Variants in PTPN12 observed in about 807,000 individuals in gnomAD.
PTPN12 encodes the protein tyrosine-protein phosphatase non-receptor type 12.
A neutral mutation model predicts 97.6 loss-of-function variants in PTPN12; 29 were observed. That is an observed-to-expected ratio of 0.30 (90% confidence interval 0.22 to 0.41). The LOEUF is 0.41. PTPN12 is among the 10% of genes least tolerant of loss of function. The pLI is 1.00. For missense variants in PTPN12, 819 were observed against 926.0 expected, an observed-to-expected ratio of 0.88 and a Z score of 1.50; for synonymous variants, 327 against 300.4, an observed-to-expected ratio of 1.09 and a Z score of -0.91.
chr7:77,548,031 T>A (rs1414214754), intron 1 of PTPN12, among the ~76,000 whole-genome samples: 1 of 152,208 alleles, frequency 6.6e-6, no homozygotes, highest in Non-Finnish European at 1.5e-5. Context: ...TTGTTTGATC[T>A]TACAGTAGGA....
rs1348408634 is a variant in PTPN12, at chr7:77,617,807, A to G, written c.940-673A>G. 2.0e-5 allele frequency among the ~76,000 whole-genome samples: 3 copies of G among 149,488 alleles called. No individual in the cohort carries two copies. The Admixed American group carries it at 2.0e-4, about 10-fold the overall frequency. ...ACAGTCCTAAACCTAAGGTTCTTAT[A>G]CCTGTATTGACTCTGAAACATCAAT... On this transcript the variant is annotated intron_variant, in intron 11 of 17. Transcript: ENST00000248594.
At chr7:77,577,885 C>G (rs1001070212) in intron 2 of PTPN12, among the ~76,000 whole-genome samples, 7 of 151,926 alleles carry the variant, frequency 4.6e-5, no homozygotes, top group African/African-American at 1.7e-4. Flanking sequence ...TTTGCTTTCC[C>G]CAGCTGTTGA....
rs1787860462 is a variant in PTPN12 at position 77,591,307 on chromosome 7, C to G, written c.421-878C>G. Among the ~76,000 whole-genome samples, 7 of 152,298 alleles carry G rather than the reference C, an allele frequency of 4.6e-5. No homozygotes were observed. In the South Asian group the frequency reaches 1.5e-3, roughly 32 times the overall value. On this transcript the variant is annotated intron_variant, in intron 5 of 17. Transcript: ENST00000248594. ...CCACTGCTTAAAAGGTTTATTTAAGCTAGATGGTCACTTAGAGACTTTGAT... is the reference window on the plus strand; with the variant it reads ...CCACTGCTTAAAAGGTTTATTTAAGGTAGATGGTCACTTAGAGACTTTGAT...
chr7:77,627,028 T>G lies in PTPN12; in HGVS notation c.1349T>G (p.Phe450Cys), dbSNP rs763365559. ...CCTCTCCAAGAGGGACCAAAAAGTT[T>G]TGATGGGAACACACTTTTGAATAGG... ...KVPLQEGPKS[F>C]DGNTLLNRGH... Residue 450 changes from phenylalanine to cysteine, a missense_variant, in exon 13 of 18, where the codon TTT becomes TGT. Phe to Cys is a radical substitution (Grantham distance 205, BLOSUM62 -2). Around this residue, in one of 5 missense-constraint regions of PTPN12, gnomAD observed 607 missense variants for 577.3 expected, o/e 1.05. Transcript: ENST00000248594. 6.2e-7 allele frequency: 1 copy of G among 1,608,572 alleles called. No individual in the cohort carries two copies. The highest frequency in any genetic ancestry group is 1.1e-5 in the South Asian group (1 of 90,568).
intron 8 of PTPN12, chr7:77,604,822 G>A: frequency 2.6e-6 from 1 of 384,940 alleles, no homozygotes; most frequent in South Asian, 2.0e-5. Context: ...TATCCACCTG[G>A]ATTTTTTATG....
intron 5 of PTPN12, among the ~76,000 whole-genome samples, chr7:77,591,111 G>T (rs1787854342): frequency 6.6e-6 from 1 of 152,140 alleles, no homozygotes; most frequent in Non-Finnish European, 1.5e-5. Flanking sequence ...AGTTACCTGT[G>T]TTTTTAAGCC....
intron 1 of PTPN12, among the ~76,000 whole-genome samples, chr7:77,543,705 T>C (rs1807089660): frequency 6.6e-6 from 1 of 152,140 alleles, no homozygotes; most frequent in Non-Finnish European, 1.5e-5. Flanking sequence ...CAACCACAAA[T>C]CTACCTTCTG....
chr7:77,587,385 A>AT (rs76404265), intron 5 of PTPN12, among the ~76,000 whole-genome samples: 40,576 of 151,496 alleles, frequency 0.27, 5,535 homozygotes, highest in Non-Finnish European at 0.29. Flanking sequence ...TTTGAAAGGA[A>AT]TTTTTTTTTC....
chr7:77,628,560 A>T (rs911522409), intron 13 of PTPN12, among the ~76,000 whole-genome samples: 1 of 143,806 alleles, frequency 7.0e-6, no homozygotes, highest in African/African-American at 2.6e-5. Context: ...ACCTTGAAAG[A>T]TTTTTTTTTT....
chr7:77,594,296 C>T lies in PTPN12; in HGVS notation c.492+2040C>T, dbSNP rs1048179033. On this transcript the variant is annotated intron_variant, in intron 6 of 17. Transcript: ENST00000248594. ...GGGCAAAATAGTGAGACATTATTAA[C>T]ATTTTTAAAAACGTTAAAAATCCCA... is the stretch of plus-strand genomic sequence containing the variant. 2.0e-5 allele frequency among the ~76,000 whole-genome samples: 3 copies of T among 152,042 alleles called. No homozygotes were observed. The East Asian group carries it at 5.8e-4, about 29-fold the overall frequency.
chr7:77,637,992 C>CT, intron 16 of PTPN12, among the ~76,000 whole-genome samples: 1 of 95,778 alleles, frequency 1.0e-5, no homozygotes, highest in Non-Finnish European at 1.8e-5. Context: ...AGGTCTTGCT[C>CT]TGTCGCCCAG....
At chr7:77,624,087 C>T (rs1274499918) in intron 12 of PTPN12, among the ~76,000 whole-genome samples, 1 of 151,932 alleles carries the variant, frequency 6.6e-6, no homozygotes, top group Non-Finnish European at 1.5e-5. Context: ...ATGAACATGG[C>T]AAAACCACAT....
At chr7:77,540,494 T>G (rs899329669) in intron 1 of PTPN12, among the ~76,000 whole-genome samples, 2 of 152,092 alleles carry the variant, frequency 1.3e-5, no homozygotes, top group Non-Finnish European at 2.9e-5. Flanking sequence ...TCTGCCCGCC[T>G]CAGCCTCCCA....
At chr7:77,588,602 T>C (rs951810326) in intron 5 of PTPN12, among the ~76,000 whole-genome samples, 2 of 152,196 alleles carry the variant, frequency 1.3e-5, no homozygotes, top group Non-Finnish European at 2.9e-5. Context: ...GATACCGATA[T>C]ACTTGCTTGG....
At chr7:77,589,594 T>C (rs1486611246) in intron 5 of PTPN12, among the ~76,000 whole-genome samples, 2 of 152,190 alleles carry the variant, frequency 1.3e-5, no homozygotes, top group Admixed American at 6.5e-5. Context: ...CTTTCAGTTA[T>C]ATTACATAAA....
At chr7:77,636,499 T>C (rs1256894778) in intron 15 of PTPN12, among the ~76,000 whole-genome samples, 6 of 152,100 alleles carry the variant, frequency 3.9e-5, no homozygotes, top group African/African-American at 1.4e-4. Flanking sequence ...GGAGGATTGC[T>C]TGGGCCCCAG....
chr7:77,574,672 T>G (rs1335811811), intron 2 of PTPN12, among the ~76,000 whole-genome samples: 1 of 152,190 alleles, frequency 6.6e-6, no homozygotes, highest in African/African-American at 2.4e-5. Flanking sequence ...CAAAGACTTC[T>G]CGCCAAAATA....
chr7:77,638,706 A>G lies in PTPN12; in HGVS notation c.2256A>G (p.Glu752=), dbSNP rs370677182. The G allele has an allele frequency of 6.2e-7, 1 of 1,606,862 alleles. No individual in the cohort carries two copies. The highest frequency in any genetic ancestry group is 8.5e-7 in the Non-Finnish European group (1 of 1,177,872). Residue 752 remains glutamate (E), a synonymous_variant, in exon 17 of 18, where the codon GAA becomes GAG. Transcript: ENST00000248594. ...GTGACAAGAGAGAACAAATATCAGAAAATCCAACAGAAGCCACAGATATTG... is the reference window on the plus strand; with the variant it reads ...GTGACAAGAGAGAACAAATATCAGAGAATCCAACAGAAGCCACAGATATTG... ...TFSDKREQIS[E]NPTEATDIGF...
chr7:77,564,513 C>CCAGTAATTGCCT, intron 1 of PTPN12, among the ~76,000 whole-genome samples: 1 of 151,868 alleles, frequency 6.6e-6, no homozygotes, highest in Admixed American at 6.6e-5. Context: ...GATGAATTCT[C>CCAGTAATTGCCT]CAGTAATTGC....
Sources: allele counts gnomAD v4.1 joint callset (sites outside exome capture counted in the v4.1 genomes callset), GRCh38; gene constraint gnomAD v4.1.1; regional missense constraint gnomAD v4.1.1; transcripts MANE v1.5; gene names NCBI Gene and HGNC (gene_info 2026-07-23, HGNC 2026-07-21).